Variants in KCNIP4 observed in about 807,000 individuals in gnomAD.
The protein encoded by KCNIP4 is Kv channel-interacting protein 4.
KCNIP4 carries 12 observed loss-of-function variants against 34.0 expected under a neutral mutation model. That is an observed-to-expected ratio of 0.35 (90% CI 0.23 to 0.57). The LOEUF is 0.57. Among genes scored for constraint, KCNIP4 ranks in the 20% least tolerant of loss-of-function variants. KCNIP4 has a pLI of 0.83. For synonymous variants in KCNIP4, 124 were observed against 102.2 expected (o/e 1.21, Z -1.29); for missense variants, 238 against 311.7 (o/e 0.76, Z 1.78).
At chr4:21,674,625 T>C (rs1749749939) in intron 1 of KCNIP4, among the ~76,000 whole-genome samples, 1 of 152,166 alleles carries the variant, frequency 6.6e-6, no homozygotes, top group Admixed American at 6.5e-5. Context: ...AGATTGAGTG[T>C]CCTTACCCAA....
intron 1 of KCNIP4, among the ~76,000 whole-genome samples, chr4:21,943,324 A>G (rs1730306910): frequency 6.6e-6 from 1 of 152,172 alleles, no homozygotes; most frequent in Non-Finnish European, 1.5e-5. Flanking sequence ...TACATTTCAG[A>G]TGTGTCTTGA....
intron 3 of KCNIP4, among the ~76,000 whole-genome samples, chr4:20,811,132 G>C (rs994090970): frequency 7.9e-5 from 12 of 152,250 alleles, no homozygotes; most frequent in Admixed American, 3.3e-4. Context: ...AAGCCTAACT[G>C]GTCTAGTGAT....
intron 1 of KCNIP4, among the ~76,000 whole-genome samples, chr4:21,004,947 G>C (rs1265747505): frequency 6.6e-6 from 1 of 152,054 alleles, no homozygotes; most frequent in Admixed American, 6.6e-5. Flanking sequence ...CAGAGAGGAA[G>C]AAGTGAATGT....
chr4:21,567,495 TAAAAC>T (rs957130981), intron 1 of KCNIP4, among the ~76,000 whole-genome samples: 1 of 151,980 alleles, frequency 6.6e-6, no homozygotes, highest in Non-Finnish European at 1.5e-5. Flanking sequence ...CTTAGTAGAA[TAAAAC>T]AAAACAAAAC....
intron 1 of KCNIP4, among the ~76,000 whole-genome samples, chr4:20,943,733 G>A (rs1034480731): frequency 9.9e-5 from 15 of 152,112 alleles, no homozygotes; most frequent in African/African-American, 3.1e-4. Context: ...CAGGACCAAT[G>A]AGAAACAGTA....
chr4:21,570,220 A>G (rs1159076698), intron 1 of KCNIP4, among the ~76,000 whole-genome samples: 1 of 152,170 alleles, frequency 6.6e-6, no homozygotes, highest in African/African-American at 2.4e-5. Flanking sequence ...CTCAGAAAAG[A>G]GTAGGTGGTG....
intron 3 of KCNIP4, among the ~76,000 whole-genome samples, chr4:20,836,056 C>T (rs1009693935): frequency 2.6e-5 from 4 of 152,154 alleles, no homozygotes; most frequent in Non-Finnish European, 5.9e-5. Flanking sequence ...TGACCAAATC[C>T]ATTATTTGCC....
chr4:21,135,797 T>C (rs1252196021), intron 1 of KCNIP4, among the ~76,000 whole-genome samples: 2 of 152,194 alleles, frequency 1.3e-5, no homozygotes. Flanking sequence ...ACTTACTGGC[T>C]TTATTTCCTT....
intron 1 of KCNIP4, among the ~76,000 whole-genome samples, chr4:21,023,888 A>T (rs1740301409): frequency 6.6e-6 from 1 of 152,168 alleles, no homozygotes; most frequent in Non-Finnish European, 1.5e-5. Context: ...TCTGAAAAAA[A>T]ACGAAAAAAG....
intron 1 of KCNIP4, among the ~76,000 whole-genome samples, chr4:21,938,297 A>G (rs898507910): frequency 1.6e-4 from 25 of 152,064 alleles, no homozygotes; most frequent in Admixed American, 2.6e-4. Context: ...TCTAATTTTC[A>G]TCTCTCATTT....
chr4:21,207,800 C>G (rs904047931), intron 1 of KCNIP4, among the ~76,000 whole-genome samples: 4 of 147,894 alleles, frequency 2.7e-5, no homozygotes, highest in Non-Finnish European at 6.0e-5. Flanking sequence ...ATTATATTTA[C>G]TTTCTTTTTC....
chr4:21,723,355 C>T (rs1170378816), intron 1 of KCNIP4, among the ~76,000 whole-genome samples: 4 of 152,106 alleles, frequency 2.6e-5, no homozygotes, highest in Non-Finnish European at 5.9e-5. Flanking sequence ...ATATTCACTG[C>T]TGCTTCTCCT....
intron 1 of KCNIP4, among the ~76,000 whole-genome samples, chr4:21,637,121 G>A (rs576901332): frequency 2.8e-4 from 42 of 152,252 alleles, no homozygotes; most frequent in Admixed American, 8.5e-4. Flanking sequence ...AGACCTGTAG[G>A]CGCTGTGGAA....
chr4:21,406,639 T>C (rs1724016968), intron 1 of KCNIP4, among the ~76,000 whole-genome samples: 1 of 152,220 alleles, frequency 6.6e-6, no homozygotes. Flanking sequence ...AAAGCGCTGA[T>C]GTAATTGAGT....
At chr4:21,459,442 A>T (rs1422826254) in intron 1 of KCNIP4, among the ~76,000 whole-genome samples, 1 of 151,998 alleles carries the variant, frequency 6.6e-6, no homozygotes, top group Non-Finnish European at 1.5e-5. Context: ...GCAGTACCCC[A>T]GGGACTACAT....
intron 1 of KCNIP4, among the ~76,000 whole-genome samples, chr4:21,904,415 A>T (rs145822622): frequency 6.6e-6 from 1 of 152,328 alleles, no homozygotes; most frequent in African/African-American, 2.4e-5. Context: ...TGTATGTGAC[A>T]GGATCTAATA....
At chr4:20,970,302 T>C (rs1734805611) in intron 1 of KCNIP4, among the ~76,000 whole-genome samples, 1 of 152,164 alleles carries the variant, frequency 6.6e-6, no homozygotes, top group Non-Finnish European at 1.5e-5. Context: ...TCTTTTCTAT[T>C]TATACATTTT....
Position 21,118,216 on chromosome 4 carries a change from G to A in KCNIP4, c.62-235507C>T, listed in dbSNP as rs182689702. Among the ~76,000 whole-genome samples the A allele has an allele frequency of 2.4e-3, 362 of 152,202 alleles. 3 individuals carry two copies. Among genetic ancestry groups the A allele is most frequent in the Non-Finnish European group, 2.8e-3 (188 of 67,996 alleles). ...CTAACTAAACAGGCATCCAGTCAGA[G>A]CATCTGTGACAATTAGAGTCCAATC... On this transcript the variant is annotated intron_variant, in intron 1 of 8. Coordinates refer to ENST00000382152, the MANE Select transcript of KCNIP4 (RefSeq NM_025221.6).
intron 1 of KCNIP4, among the ~76,000 whole-genome samples, chr4:21,619,016 A>C (rs112207378): frequency 2.0e-4 from 31 of 151,944 alleles, no homozygotes; most frequent in African/African-American, 7.0e-4. Context: ...TGATCCCAGG[A>C]CCTCATTTCA....
Sources: gnomAD v4.1 joint callset for allele counts (sites outside exome capture counted in the v4.1 genomes callset) on GRCh38, gnomAD v4.1.1 for gene constraint, MANE v1.5 for transcripts, NCBI Gene and HGNC (gene_info 2026-07-23, HGNC 2026-07-21) for gene names.